TOGARAM1: variants seen among roughly 807,000 people sequenced by gnomAD.
TOGARAM1 encodes TOG array regulator of axonemal microtubules 1.
A neutral mutation model predicts 166.6 loss-of-function variants in TOGARAM1; 100 were observed. That is an observed-to-expected ratio of 0.60 (90% CI 0.51 to 0.71). The LOEUF (loss-of-function observed/expected upper bound fraction) is 0.71. TOGARAM1 is among the 30% of genes least tolerant of loss of function. TOGARAM1 has a pLI of 0.00. For synonymous variants in TOGARAM1, 758 were observed against 763.8 expected (o/e 0.99, Z 0.13); for missense variants, 2,029 against 2,102.7 (o/e 0.96, Z 0.69).
intron 7 of TOGARAM1, among the ~76,000 whole-genome samples, chr14:45,012,934 T>C (rs1879896575): frequency 6.6e-6 from 1 of 152,230 alleles, no homozygotes; most frequent in African/African-American, 2.4e-5. Flanking sequence ...ATTTTCTCCC[T>C]GCTTCAATCT....
chr14:44,993,103 T>C (rs922422598), intron 1 of TOGARAM1, among the ~76,000 whole-genome samples: 1 of 150,622 alleles, frequency 6.6e-6, no homozygotes, highest in Non-Finnish European at 1.5e-5. Context: ...AAAAATAAAG[T>C]AAAATAAAAT....
chr14:45,030,195 T>G (rs1266555129), intron 10 of TOGARAM1, among the ~76,000 whole-genome samples: 1 of 152,196 alleles, frequency 6.6e-6, no homozygotes, highest in African/African-American at 2.4e-5. Context: ...TACACCTCCT[T>G]TTTCAAAATA....
At chr14:44,975,079 TA>T (rs1206693269) in intron 1 of TOGARAM1, among the ~76,000 whole-genome samples, 2 of 152,194 alleles carry the variant, frequency 1.3e-5, no homozygotes, top group African/African-American at 4.8e-5. Flanking sequence ...CCTCTCTGTG[TA>T]TATTTTTTAT....
chr14:45,030,832 C>G (rs1045651606), intron 10 of TOGARAM1, among the ~76,000 whole-genome samples: 3 of 152,140 alleles, frequency 2.0e-5, no homozygotes, highest in African/African-American at 7.2e-5. Context: ...AGTCCTGCCT[C>G]TCCCACTCAT....
At chr14:44,995,316 A>G (rs1013459612) in intron 1 of TOGARAM1, among the ~76,000 whole-genome samples, 3 of 152,194 alleles carry the variant, frequency 2.0e-5, no homozygotes, top group African/African-American at 7.2e-5. Context: ...CAGAATATGG[A>G]TAATAGATTT....
At chr14:44,973,042 T>C (rs951486277) in intron 1 of TOGARAM1, among the ~76,000 whole-genome samples, 3 of 152,140 alleles carry the variant, frequency 2.0e-5, no homozygotes, top group African/African-American at 4.8e-5. Flanking sequence ...TGACAATCTG[T>C]CTTTTAATTG....
intron 16 of TOGARAM1, among the ~76,000 whole-genome samples, chr14:45,058,784 G>T (rs1160936812): frequency 6.6e-6 from 1 of 152,092 alleles, no homozygotes; most frequent in Admixed American, 6.6e-5. Context: ...CTGTCATATT[G>T]TTAAGTGTTA....
intron 16 of TOGARAM1, among the ~76,000 whole-genome samples, chr14:45,058,693 A>T (rs980706186): frequency 3.3e-5 from 5 of 152,114 alleles, no homozygotes; most frequent in African/African-American, 1.2e-4. Context: ...TTTTTTATCC[A>T]GTTTGCCAAT....
chr14:45,008,169 C>A (rs1405138023), intron 5 of TOGARAM1: 1 of 151,646 alleles, frequency 6.6e-6, no homozygotes, highest in Non-Finnish European at 1.5e-5. Flanking sequence ...TTTCTATTTT[C>A]CTTAATTTGT....
chr14:44,963,116 C>A lies in TOGARAM1; in HGVS notation c.695C>A (p.Ala232Asp). The change falls in exon 1 of 20, where the codon GCT (alanine) becomes GAT (aspartate). Residue 232 changes from alanine to aspartate, a missense_variant. This residue lies in a region of TOGARAM1 where 1,453 missense variants were observed against 1,432.2 expected (regional missense o/e 1.01). Coordinates refer to ENST00000361462, the MANE Select transcript of TOGARAM1 (RefSeq NM_001308120.2). ...GLESTDARLR[A>D]STALLLPILL... ...GAAAGTACCGATGCCCGACTTAGAG[C>A]TTCCACAGCACTACTGCTTCCCATC... 1.9e-6 allele frequency: 3 copies of A among 1,614,168 alleles called. No individual in the cohort carries two copies. Among genetic ancestry groups the A allele is most frequent in the Non-Finnish European group, 2.5e-6 (3 of 1,180,036 alleles).
chr14:44,983,241 T>G (rs764211026), intron 1 of TOGARAM1, among the ~76,000 whole-genome samples: 3 of 152,140 alleles, frequency 2.0e-5, no homozygotes, highest in Non-Finnish European at 2.9e-5. Context: ...AACACAAGTA[T>G]AGAGAGAGGT....
chr14:45,034,385 G>C (rs2138925452), intron 11 of TOGARAM1, among the ~76,000 whole-genome samples: 1 of 152,246 alleles, frequency 6.6e-6, no homozygotes, highest in East Asian at 1.9e-4. Context: ...ATGGTGACTA[G>C]ACTTTGCAGG....
chr14:44,962,493 CCGCAGTCGTCCTTCCGCCCCAGAGA>C lies in TOGARAM1; in HGVS notation c.74_98del (p.Arg25ProfsTer10). ...TCCTCTCTACCTATCGGCTCCAGAG[CCGCAGTCGTCCTTCCGCCCCAGAGA>C]CCGATGATAGTCGAGTTGGGGGCAT... On this transcript the variant is annotated frameshift_variant, in exon 1 of 20. Transcript: ENST00000361462. LOFTEE classifies it high-confidence loss of function. 1 of 1,611,060 alleles carries C rather than the reference CCGCAGTCGTCCTTCCGCCCCAGAGA, an allele frequency of 6.2e-7. No individual in the cohort carries two copies. The highest frequency in any genetic ancestry group is 2.2e-5 in the East Asian group (1 of 44,868).
At chr14:44,979,336 A>G in intron 1 of TOGARAM1, among the ~76,000 whole-genome samples, 1 of 152,166 alleles carries the variant, frequency 6.6e-6, no homozygotes, top group East Asian at 1.9e-4. Context: ...TTCAGCGTCC[A>G]GTTAAGGCTC....
At chr14:44,974,473 T>G (rs1213348071) in intron 1 of TOGARAM1, among the ~76,000 whole-genome samples, 3 of 152,178 alleles carry the variant, frequency 2.0e-5, no homozygotes, top group African/African-American at 4.8e-5. Context: ...GTATGTTAAC[T>G]TCAACATTCC....
At chr14:45,060,480 T>G (rs576967094) in intron 16 of TOGARAM1, among the ~76,000 whole-genome samples, 1 of 152,084 alleles carries the variant, frequency 6.6e-6, no homozygotes, top group Admixed American at 6.5e-5. Context: ...CCTCCAGAGG[T>G]GCTAGGATTA....
chr14:45,046,537 C>T lies in TOGARAM1; in HGVS notation c.4155-8C>T. The T allele has an allele frequency of 7.8e-7, 1 of 1,286,596 alleles. No individual in the cohort carries two copies. The highest frequency in any genetic ancestry group is 9.9e-7 in the Non-Finnish European group (1 of 1,006,842). 79.7% of individuals were successfully genotyped at this position (1,286,596 alleles called of 1,614,324 possible). ...AACTCTGTTTTAATTGATCATGTCTCCTTGTAGCCATTTACACATTGCTGT... is the reference window on the plus strand; with the variant it reads ...AACTCTGTTTTAATTGATCATGTCTTCTTGTAGCCATTTACACATTGCTGT... On this transcript the variant is annotated splice_region_variant and splice_polypyrimidine_tract_variant and intron_variant, in intron 13 of 19. Coordinates refer to ENST00000361462, the MANE Select transcript of TOGARAM1 (RefSeq NM_001308120.2).
In TOGARAM1 at chr14:45,041,954, A is replaced by T. The variant is rs530669195; in HGVS notation, c.3813-1732A>T. 1.9e-3 allele frequency among the ~76,000 whole-genome samples: 283 copies of T among 152,280 alleles called. 2 individuals are homozygous for T. The highest frequency in any genetic ancestry group is 6.4e-3 in the African/African-American group (266 of 41,568). On this transcript the variant is annotated intron_variant, in intron 11 of 19. Coordinates refer to ENST00000361462, the MANE Select transcript of TOGARAM1 (RefSeq NM_001308120.2). The stretch of plus-strand genomic sequence containing the variant: ...ATTTTTATATTTTTTGTAGAGACAG[A>T]GTTTCACCCAAGCTAGTCTTGAAAT...
At position 44,967,364 on chromosome 14, in the gene TOGARAM1, C is replaced by T. The variant is rs576125461; in HGVS notation, c.2046+2897C>T. 3.3e-5 allele frequency among the ~76,000 whole-genome samples: 5 copies of T among 152,224 alleles called. No individual in the cohort carries two copies. The South Asian group carries it at 8.3e-4, about 25-fold the overall frequency. Reference sequence around the variant, plus strand: ...GCTGTATCCTACAGTAACCCCCCTCCCCCCACAAAATTGCTAGACCAGCAA... The same window carrying T: ...GCTGTATCCTACAGTAACCCCCCTCTCCCCACAAAATTGCTAGACCAGCAA... On this transcript the variant is annotated intron_variant, in intron 1 of 19. Coordinates refer to ENST00000361462, the MANE Select transcript of TOGARAM1 (RefSeq NM_001308120.2).
Sources: gnomAD v4.1 joint callset for allele counts (sites outside exome capture counted in the v4.1 genomes callset) on GRCh38, gnomAD v4.1.1 for gene constraint, gnomAD v4.1.1 regional missense constraint, MANE v1.5 for transcripts, NCBI Gene and HGNC (gene_info 2026-07-23, HGNC 2026-07-21) for gene names.